The following CARM1 variants were observed in gnomAD, a reference collection of about 807,000 sequenced individuals.
CARM1 encodes the protein histone-arginine methyltransferase CARM1.
Under a neutral mutation model 72.7 loss-of-function variants are expected in CARM1, and 14 were observed. That is an observed-to-expected ratio of 0.19 (90% CI 0.13 to 0.30). The LOEUF (loss-of-function observed/expected upper bound fraction) is 0.30, where lower values mean the gene tolerates loss of function less well. Ranked by LOEUF, CARM1 falls within the 10% of genes least tolerant of loss-of-function variation. The pLI, the probability that CARM1 is intolerant of heterozygous loss-of-function variation, is 1.00. For synonymous variants in CARM1, 333 were observed against 345.5 expected (o/e 0.96, Z 0.40); for missense variants, 432 against 833.7 (o/e 0.52, Z 5.93).
At chr19:10,913,047 G>A (rs1294346396) in intron 5 of CARM1, among the ~76,000 whole-genome samples, 1 of 152,124 alleles carries the variant, frequency 6.6e-6, no homozygotes, top group East Asian at 1.9e-4. Flanking sequence ...GTCGACGCAG[G>A]GTGGGGGACC....
At chr19:10,910,203 A>T (rs936957232) in intron 4 of CARM1, among the ~76,000 whole-genome samples, 1 of 151,820 alleles carries the variant, frequency 6.6e-6, no homozygotes, top group Non-Finnish European at 1.5e-5. Context: ...TCGGCCAGGC[A>T]CAGTGGCTCA....
At position 10,916,542 on chromosome 19, in the gene CARM1, T is replaced by C; in HGVS notation, c.938+45T>C. On this transcript the variant is annotated intron_variant, in intron 7 of 15. Coordinates refer to ENST00000327064, the MANE Select transcript of CARM1 (RefSeq NM_199141.2). This position sits in a 1 kb window ranked among gnomAD's most constrained non-coding sequence, Gnocchi z 4.4. Reference sequence around the variant, plus strand: ...CCCGCCTGGGCCCCACAGCCTGCCTTCTCAGGGACAGCCCCAGCTCCCCAG... The same window carrying C: ...CCCGCCTGGGCCCCACAGCCTGCCTCCTCAGGGACAGCCCCAGCTCCCCAG... 1 of 1,506,962 alleles carries C rather than the reference T, an allele frequency of 6.6e-7. No individual in the cohort carries two copies. 93.3% of individuals were successfully genotyped at this position (1,506,962 alleles called of 1,614,324 possible).
intron 1 of CARM1, among the ~76,000 whole-genome samples, chr19:10,903,529 G>T (rs1439020594): frequency 6.6e-6 from 1 of 151,110 alleles, no homozygotes; most frequent in Non-Finnish European, 1.5e-5. Flanking sequence ...TAAAATTATG[G>T]AATATGTAGT....
chr19:10,894,142 G>A (rs757366393), intron 1 of CARM1, among the ~76,000 whole-genome samples: 8 of 152,190 alleles, frequency 5.3e-5, no homozygotes, highest in Non-Finnish European at 8.8e-5. Flanking sequence ...GGCCTGGTCC[G>A]CATGCATCAG....
At chr19:10,895,838 C>T (rs745405832) in intron 1 of CARM1, among the ~76,000 whole-genome samples, 3 of 152,064 alleles carry the variant, frequency 2.0e-5, no homozygotes, top group Non-Finnish European at 4.4e-5. Flanking sequence ...AGCTGCCAGG[C>T]AGTGAGGGCT....
chr19:10,903,560 T>G (rs1245098554), intron 1 of CARM1, among the ~76,000 whole-genome samples: 1 of 151,168 alleles, frequency 6.6e-6, no homozygotes, highest in Non-Finnish European at 1.5e-5. Flanking sequence ...ATTTCCCTAG[T>G]TGTCTTTTTT....
At chr19:10,875,212 C>G (rs1329672593) in intron 1 of CARM1, among the ~76,000 whole-genome samples, 2 of 152,176 alleles carry the variant, frequency 1.3e-5, no homozygotes, top group African/African-American at 2.4e-5. Context: ...TGGAGAGGTT[C>G]TACAGGAAAA....
rs529986950 is a variant in CARM1 at position 10,896,478 on chromosome 19, C to T, written c.221-8473C>T. On this transcript the variant is annotated intron_variant, in intron 1 of 15. Transcript: ENST00000327064. This position sits in a 1 kb window ranked among gnomAD's most constrained non-coding sequence, Gnocchi z 5.2. ...CTGCCTGGCCAGCCATAGCACTTGGCTCCTTCCCTATCCTGTGTGACGGTG... is the reference window on the plus strand; with the variant it reads ...CTGCCTGGCCAGCCATAGCACTTGGTTCCTTCCCTATCCTGTGTGACGGTG... Among the ~76,000 whole-genome samples the T allele has an allele frequency of 6.6e-5, 10 of 152,144 alleles. No homozygotes were observed. Among genetic ancestry groups the T allele is most frequent in the African/African-American group, 2.2e-4 (9 of 41,504 alleles).
At chr19:10,887,738 C>G (rs2073951973) in intron 1 of CARM1, among the ~76,000 whole-genome samples, 2 of 152,338 alleles carry the variant, frequency 1.3e-5, no homozygotes, top group Admixed American at 6.5e-5. Context: ...CCAGCATGCT[C>G]TGACTCAGAC....
At chr19:10,890,795 ATTTTTT>A (rs67421012) in intron 1 of CARM1, among the ~76,000 whole-genome samples, 2 of 47,464 alleles carry the variant, frequency 4.2e-5, no homozygotes, top group African/African-American at 1.1e-4. Context: ...ATATATATAT[ATTTTTT>A]TTTTTTTTTT....
chr19:10,880,750 G>A (rs538417917), intron 1 of CARM1, among the ~76,000 whole-genome samples: 20 of 152,314 alleles, frequency 1.3e-4, no homozygotes, highest in African/African-American at 4.3e-4. Flanking sequence ...AGGGGTAAAA[G>A]GACAAGAATC....
intron 3 of CARM1, chr19:10,908,833 A>C: frequency 2.9e-6 from 1 of 340,506 alleles, no homozygotes; most frequent in South Asian, 3.0e-5. Context: ...CCTGTGGCAA[A>C]TCTTGAGTTC....
chr19:10,922,060 A>C lies in CARM1; in HGVS notation c.*303A>C. ...CTTGTCATCTGCTGGAACAGGCGCC[A>C]TGGGGCCTGCCAGCCCTGCCTGCCA... On this transcript the variant is annotated 3_prime_UTR_variant, in exon 16 of 16. Transcript: ENST00000327064. 4.2e-6 allele frequency: 1 copy of C among 240,032 alleles called. No individual in the cohort carries two copies. 14.9% of individuals were successfully genotyped at this position (240,032 alleles called of 1,614,324 possible).
intron 1 of CARM1, among the ~76,000 whole-genome samples, chr19:10,874,366 TTTTC>T (rs1260316258): frequency 2.0e-5 from 3 of 152,028 alleles, no homozygotes; most frequent in Non-Finnish European, 4.4e-5. Context: ...TTTTTGTTTT[TTTTC>T]TTTCTTTTTT....
intron 1 of CARM1, among the ~76,000 whole-genome samples, chr19:10,876,817 G>C (rs2073868101): frequency 6.6e-6 from 1 of 152,234 alleles, no homozygotes; most frequent in South Asian, 2.1e-4. Flanking sequence ...AGGGGTGCCG[G>C]GAAAGAGAAC....
At chr19:10,911,630 G>A (rs566663161) in intron 4 of CARM1, among the ~76,000 whole-genome samples, 4 of 152,344 alleles carry the variant, frequency 2.6e-5, no homozygotes, top group African/African-American at 7.2e-5. Flanking sequence ...TGGTCTGCTC[G>A]TGTGGAAGCA....
chr19:10,889,209 AC>A (rs1293695813), intron 1 of CARM1, among the ~76,000 whole-genome samples: 1 of 152,134 alleles, frequency 6.6e-6, no homozygotes, highest in Non-Finnish European at 1.5e-5. Context: ...GCCTTGGCCT[AC>A]CTGAGATGCC....
intron 1 of CARM1, among the ~76,000 whole-genome samples, chr19:10,893,787 C>T (rs1298759301): frequency 6.6e-6 from 1 of 152,166 alleles, no homozygotes; most frequent in Non-Finnish European, 1.5e-5. Flanking sequence ...CTGTCAGGCC[C>T]TCCACGTGGG....
chr19:10,880,295 G>C (rs4804141), intron 1 of CARM1, among the ~76,000 whole-genome samples: 34 of 152,202 alleles, frequency 2.2e-4, no homozygotes, highest in Non-Finnish European at 4.3e-4. Context: ...GAGGTGGCGA[G>C]TTGAGGCTGG....
Sources: gnomAD v4.1 joint callset for allele counts (sites outside exome capture counted in the v4.1 genomes callset) on GRCh38, gnomAD v4.1.1 for gene constraint, Gnocchi (gnomAD v3.1) non-coding constraint, MANE v1.5 for transcripts, NCBI Gene and HGNC (gene_info 2026-07-23, HGNC 2026-07-21) for gene names.